The following CACNA1I variants were observed in gnomAD, a reference collection of about 807,000 sequenced individuals.
The protein encoded by CACNA1I is calcium voltage-gated channel subunit alpha1 I, also known as voltage-dependent T-type calcium channel subunit alpha-1I.
CACNA1I carries 74 observed loss-of-function variants against 201.6 expected under a neutral mutation model. The ratio of observed to expected loss-of-function variants is 0.37; its 90% CI spans 0.30 to 0.45. The LOEUF (loss-of-function observed/expected upper bound fraction) is 0.45. Among genes scored for constraint, CACNA1I ranks in the 20% least tolerant of loss-of-function variants. The pLI is 1.00. For synonymous variants in CACNA1I, 1,431 were observed against 1,345.2 expected, an observed-to-expected ratio of 1.06 and a Z score of -1.40; for missense variants, 2,346 against 3,138.1, an observed-to-expected ratio of 0.75 and a Z score of 6.03.
intron 4 of CACNA1I, among the ~76,000 whole-genome samples, chr22:39,630,888 G>C (rs910903836): frequency 8.5e-5 from 13 of 152,196 alleles, no homozygotes; most frequent in Non-Finnish European, 1.8e-4. Flanking sequence ...GGTGTCGTGG[G>C]TGGGGGCAGA....
intron 26 of CACNA1I, 91 bp from the exon 27 acceptor site, chr22:39,672,108 C>A (rs757527497): frequency 1.2e-4 from 92 of 746,670 alleles, no homozygotes; most frequent in Non-Finnish European, 2.0e-4. Context: ...GGACTAAATT[C>A]TCTCCTTAAA....
At chr22:39,615,034 C>G (rs1463641014) in intron 3 of CACNA1I, among the ~76,000 whole-genome samples, 3 of 152,208 alleles carry the variant, frequency 2.0e-5, no homozygotes, top group African/African-American at 7.2e-5. Flanking sequence ...CTCCTGTAAG[C>G]GATGTCTTAT....
In CACNA1I at chr22:39,647,888, A is replaced by T; in HGVS notation, c.1529A>T (p.His510Leu). ...GGAAGCCGGCATTGCCAGACTTTGC[A>T]TGGGCCTGCCTCCCCTGGAAATGAT... ...HLGSRHCQTLHGPASPGNDHS... is the reference protein window; with the variant it reads ...HLGSRHCQTLLGPASPGNDHS... Residue 510 changes from histidine (H) to leucine (L), a missense_variant, in exon 9 of 37, where the codon CAT (histidine) becomes CTT (leucine). Coordinates refer to ENST00000402142, the MANE Select transcript of CACNA1I (RefSeq NM_021096.4). 5 of 1,613,670 alleles carry T rather than the reference A, an allele frequency of 3.1e-6. No individual in the cohort carries two copies. The highest frequency in any genetic ancestry group is 4.2e-6 in the Non-Finnish European group (5 of 1,179,844).
chr22:39,681,129 CCT>C (rs1935692829), intron 34 of CACNA1I, 77 bp downstream of exon 34: 9 of 1,487,566 alleles, frequency 6.1e-6, no homozygotes, highest in South Asian at 2.6e-5. Context: ...GCAGGACCCC[CCT>C]GTCTTTCCAG....
At chr22:39,588,385 C>CT (rs3044379) in intron 1 of CACNA1I, among the ~76,000 whole-genome samples, 5,065 of 80,658 alleles carry the variant, frequency 0.063, 327 homozygotes, top group African/African-American at 0.16. Flanking sequence ...TTCTTTCTTT[C>CT]TTTTTTTTTT....
At chr22:39,600,748 A>G (rs2145828647) in intron 3 of CACNA1I, 95 bp downstream of exon 3, 2 of 1,413,898 alleles carry the variant, frequency 1.4e-6, no homozygotes, top group East Asian at 2.6e-5. Flanking sequence ...ATGAAGGGGA[A>G]TCACGGTGAT....
rs764674799 is a variant in CACNA1I at position 39,664,886 on chromosome 22, C to A, written c.3814C>A (p.Arg1272=). The A allele has an allele frequency of 6.8e-6, 11 of 1,612,914 alleles. No homozygotes were observed. The highest frequency in any genetic ancestry group is 9.3e-6 in the Non-Finnish European group (11 of 1,179,852). ...GGGAGCCAAGATCTTGGGGGTCCTC[C>A]GAGTCTTGCGGCTCCTGCGCACCCT... is the stretch of plus-strand genomic sequence containing the variant. The part of the protein sequence containing the change: ...AGGAKILGVL[R]VLRLLRTLRP... The change falls in exon 21 of 37, where the codon CGA becomes AGA. Residue 1272 remains arginine (R), a synonymous_variant. Coordinates refer to ENST00000402142, the MANE Select transcript of CACNA1I (RefSeq NM_021096.4).
intron 31 of CACNA1I, among the ~76,000 whole-genome samples, chr22:39,678,321 G>T (rs1308112198): frequency 6.6e-6 from 1 of 152,234 alleles, no homozygotes; most frequent in African/African-American, 2.4e-5. Context: ...TCATCCCCCA[G>T]TGTTGCCTGG....
chr22:39,587,565 A>G (rs1449407359), intron 1 of CACNA1I, among the ~76,000 whole-genome samples: 2 of 152,140 alleles, frequency 1.3e-5, no homozygotes, highest in African/African-American at 4.8e-5. Context: ...AGCTGTGGCC[A>G]CAGGTGGAAT....
intron 35 of CACNA1I, among the ~76,000 whole-genome samples, chr22:39,682,891 C>T (rs1215887990): frequency 6.6e-6 from 1 of 152,004 alleles, no homozygotes; most frequent in Non-Finnish European, 1.5e-5. Flanking sequence ...ATAACAAAAA[C>T]CTAAGCATCT....
chr22:39,666,169 C>T lies in CACNA1I; in HGVS notation c.4104+163C>T, dbSNP rs1935188153. On this transcript the variant is annotated intron_variant, in intron 23 of 36. Coordinates refer to ENST00000402142, the MANE Select transcript of CACNA1I (RefSeq NM_021096.4). This position sits in a 1 kb window ranked among gnomAD's most constrained non-coding sequence, Gnocchi z 4.1. ...CTGCAAAATGGGTAAGGGTAGCACT[C>T]ACCTCTCAGGTGGGATGAGGCTTAG... Among the ~76,000 whole-genome samples, 1 of 152,182 alleles carries T rather than the reference C, an allele frequency of 6.6e-6. No individual in the cohort carries two copies. The highest frequency in any genetic ancestry group is 2.4e-5 in the African/African-American group (1 of 41,440).
rs1405214512 is a variant in CACNA1I at position 39,641,039 on chromosome 22, G to A, written c.913G>A (p.Ala305Thr). The change falls in exon 6 of 37, where the codon GCG (alanine) becomes ACG (threonine). Residue 305 changes from alanine (A) to threonine (T), a missense_variant. Coordinates refer to ENST00000402142, the MANE Select transcript of CACNA1I (RefSeq NM_021096.4). ...CAAGGACGACGTCTACGACTTTGGGGCGGGGCGCCAGGACCTCAATGCCAG... is the reference window on the plus strand; with the variant it reads ...CAAGGACGACGTCTACGACTTTGGGACGGGGCGCCAGGACCTCAATGCCAG... ...LSKDDVYDFG[A>T]GRQDLNASGL... is the part of the protein sequence containing the mutation. 6.2e-6 allele frequency: 10 copies of A among 1,613,920 alleles called. No individual in the cohort carries two copies. The Middle Eastern group carries it at 6.6e-4, about 106-fold the overall frequency.
intron 15 of CACNA1I, among the ~76,000 whole-genome samples, 177 bp from the exon 16 acceptor site, chr22:39,660,931 G>C (rs745475500): frequency 2.0e-5 from 3 of 152,150 alleles, no homozygotes; most frequent in Non-Finnish European, 4.4e-5. Flanking sequence ...TGCAGGTGGG[G>C]CGAAGGGGAG....
chr22:39,614,512 C>T (rs1933474409), intron 3 of CACNA1I, among the ~76,000 whole-genome samples: 1 of 152,234 alleles, frequency 6.6e-6, no homozygotes, highest in Non-Finnish European at 1.5e-5. Context: ...CCAAGGTGGC[C>T]TCCGGGTTTG....
chr22:39,644,665 CCTT>C (rs1206469846), intron 7 of CACNA1I, among the ~76,000 whole-genome samples: 2 of 151,998 alleles, frequency 1.3e-5, no homozygotes, highest in African/African-American at 4.8e-5. Context: ...CCCTAGTGCT[CCTT>C]CTTTAAATTT....
At chr22:39,644,622 A>G (rs1465821993) in intron 7 of CACNA1I, among the ~76,000 whole-genome samples, 1 of 152,088 alleles carries the variant, frequency 6.6e-6, no homozygotes, top group African/African-American at 2.4e-5. Flanking sequence ...TGAACCCCAG[A>G]AAGGTGAGGG....
rs1318523789 is a variant in CACNA1I at position 39,629,981 on chromosome 22, T to G, written c.581-4584T>G. ...GAGAAGCTCAAGTCTTCCAGCCCCC[T>G]GGCCCTGTCTCCTCCCCAGCCTCAT... On this transcript the variant is annotated intron_variant, in intron 4 of 36. Coordinates refer to ENST00000402142, the MANE Select transcript of CACNA1I (RefSeq NM_021096.4). This position sits in a 1 kb window ranked among gnomAD's most constrained non-coding sequence, Gnocchi z 4.8. 1.3e-5 allele frequency among the ~76,000 whole-genome samples: 2 copies of G among 152,142 alleles called. No individual in the cohort carries two copies. The highest frequency in any genetic ancestry group is 1.3e-4 in the Admixed American group (2 of 15,280).
Position 39,649,797 on chromosome 22 carries a change from T to A in CACNA1I, c.1864T>A (p.Cys622Ser). ...GCAGGCGGATGGGGCGGTCTGGCTGTGCGGGGATGTGTGGCGGGAGACGCG... is the reference window on the plus strand; with the variant it reads ...GCAGGCGGATGGGGCGGTCTGGCTGAGCGGGGATGTGTGGCGGGAGACGCG... ...EEQADGAVWL[C>S]GDVWRETRAK... The change falls in exon 10 of 37, where the codon TGC becomes AGC. Residue 622 changes from cysteine (C) to serine (S), a missense_variant. Cys to Ser is a moderately radical substitution (Grantham distance 112). This residue lies in a region of CACNA1I where 312 missense variants were observed against 331.5 expected (regional missense o/e 0.94). Transcript: ENST00000402142. The surrounding 1 kb of genome is among the most constrained non-coding windows in gnomAD (Gnocchi z 7.3). 1.2e-6 allele frequency: 2 copies of A among 1,612,136 alleles called. No individual in the cohort carries two copies. Among genetic ancestry groups the A allele is most frequent in the African/African-American group, 1.3e-5 (1 of 74,954 alleles).
At chr22:39,581,522 G>C (rs1932548395) in intron 1 of CACNA1I, among the ~76,000 whole-genome samples, 1 of 152,156 alleles carries the variant, frequency 6.6e-6, no homozygotes, top group African/African-American at 2.4e-5. Context: ...GCCTGTCCTG[G>C]GCCACCCAGC....
Sources: gnomAD v4.1 joint callset for allele counts (sites outside exome capture counted in the v4.1 genomes callset) on GRCh38, gnomAD v4.1.1 for gene constraint, gnomAD v4.1.1 regional missense constraint, Gnocchi (gnomAD v3.1) non-coding constraint, MANE v1.5 for transcripts, NCBI Gene and HGNC (gene_info 2026-07-23, HGNC 2026-07-21) for gene names.